SPATA6: variants seen among roughly 807,000 people sequenced by gnomAD.
SPATA6 encodes spermatogenesis associated 6, also known as spermatogenesis-associated protein 6.
A neutral mutation model predicts 65.3 loss-of-function variants in SPATA6; 56 were observed. The observed-to-expected ratio is 0.86, with a 90% CI of 0.69 to 1.07. The LOEUF is 1.07. SPATA6 is among the 50% of genes least tolerant of loss of function. SPATA6 has a pLI of 0.00. For missense variants in SPATA6, 590 were observed against 594.8 expected (o/e 0.99, Z 0.08); for synonymous variants, 199 against 213.2 (o/e 0.93, Z 0.58).
the SPATA6 span, among the ~76,000 whole-genome samples, chr1:48,287,481 G>C: frequency 6.6e-6 from 1 of 152,344 alleles, no homozygotes; most frequent in Admixed American, 6.5e-5. Flanking sequence ...GGCTTGGTGA[G>C]AAGTAATTGG....
chr1:48,413,561 C>T (rs1277728823), intron 3 of SPATA6, among the ~76,000 whole-genome samples: 1 of 151,434 alleles, frequency 6.6e-6, no homozygotes, highest in Non-Finnish European at 1.5e-5. Flanking sequence ...CTCGGCCTTC[C>T]AAAGTGCTGG....
Position 48,297,003 on chromosome 1 carries a change from TCACAATGAG to T in SPATA6, c.*1701_*1709del, listed in dbSNP as rs3049431. On this transcript the variant is annotated 3_prime_UTR_variant, in exon 13 of 13. Transcript: ENST00000371847. Reference sequence around the variant, plus strand: ...CTTAAAGCCTCGAACAAGCTACTGTTCACAATGAGCACAGTGACCATATATCCTAATTTG... The same window carrying T: ...CTTAAAGCCTCGAACAAGCTACTGTTCACAGTGACCATATATCCTAATTTG... 26,621 of 151,866 alleles carry T rather than the reference TCACAATGAG, an allele frequency of 0.18. 2,543 individuals are homozygous for T. The highest frequency in any genetic ancestry group is 0.26 in the Admixed American group (3,957 of 15,192). The allele number at this position is 151,866 out of a possible 1,614,324, so 9.4% of individuals were successfully genotyped here.
chr1:48,281,183 T>A, the SPATA6 span, among the ~76,000 whole-genome samples: 23 of 152,062 alleles, frequency 1.5e-4, no homozygotes, highest in African/African-American at 5.3e-4. Flanking sequence ...GGGATGTATC[T>A]CAAAATAATA....
intron 11 of SPATA6, chr1:48,325,243 A>G: frequency 1.3e-6 from 1 of 779,814 alleles, no homozygotes; most frequent in Non-Finnish European, 2.2e-6. Context: ...CAACAGGGGC[A>G]AGGTTTGGAT....
chr1:48,340,090 T>C (rs1178990845), intron 11 of SPATA6, among the ~76,000 whole-genome samples: 1 of 151,782 alleles, frequency 6.6e-6, no homozygotes, highest in Non-Finnish European at 1.5e-5. Context: ...TGATGGAAGA[T>C]ATCAGATAAT....
intron 11 of SPATA6, among the ~76,000 whole-genome samples, chr1:48,340,072 C>A (rs1167404343): frequency 6.6e-6 from 1 of 151,542 alleles, no homozygotes; most frequent in African/African-American, 2.4e-5. Flanking sequence ...ACACACTTCT[C>A]AACAAAATGA....
intron 12 of SPATA6, among the ~76,000 whole-genome samples, chr1:48,305,497 A>G (rs1175958987): frequency 6.6e-6 from 1 of 152,030 alleles, no homozygotes; most frequent in Admixed American, 6.6e-5. Context: ...TTCATGGTGT[A>G]AAATTATAAG....
chr1:48,422,601 C>T (rs1325902457), intron 3 of SPATA6, among the ~76,000 whole-genome samples: 2 of 152,192 alleles, frequency 1.3e-5, no homozygotes, highest in Non-Finnish European at 2.9e-5. Context: ...ATGCCTGACA[C>T]TGGATTGATA....
chr1:48,321,449 A>C (rs1415697472), intron 11 of SPATA6, among the ~76,000 whole-genome samples: 1 of 152,186 alleles, frequency 6.6e-6, no homozygotes, highest in African/African-American at 2.4e-5. Flanking sequence ...TATAATGATA[A>C]AGCAATCAAT....
At chr1:48,419,235 G>A (rs1227823123) in intron 3 of SPATA6, among the ~76,000 whole-genome samples, 1 of 152,094 alleles carries the variant, frequency 6.6e-6, no homozygotes, top group African/African-American at 2.4e-5. Context: ...AAAAAACAGA[G>A]ACTAAAGGCT....
chr1:48,369,083 A>T (rs1000106072), intron 9 of SPATA6, among the ~76,000 whole-genome samples: 1 of 152,184 alleles, frequency 6.6e-6, no homozygotes, highest in African/African-American at 2.4e-5. Context: ...CCTGGGTATC[A>T]GCAGTGGTGG....
At chr1:48,267,705 G>A in the SPATA6 span, among the ~76,000 whole-genome samples, 2 of 145,082 alleles carry the variant, frequency 1.4e-5, no homozygotes, top group African/African-American at 2.5e-5. Context: ...TCTGCAGTGT[G>A]TTCCTCTCGA....
intron 3 of SPATA6, chr1:48,436,566 C>T: frequency 6.2e-7 from 1 of 1,612,732 alleles, no homozygotes; most frequent in South Asian, 1.1e-5. Flanking sequence ...TAGTGACCCT[C>T]TCTGGCCTGT....
In SPATA6 at chr1:48,319,288, A is replaced by G. The variant is rs146859685; in HGVS notation, c.1195-13410T>C. 1.9e-3 allele frequency among the ~76,000 whole-genome samples: 296 copies of G among 152,332 alleles called. 1 individual carries two copies. Among genetic ancestry groups the G allele is most frequent in the African/African-American group, 6.7e-3 (278 of 41,584 alleles). On this transcript the variant is annotated intron_variant, in intron 11 of 12. Coordinates refer to ENST00000371847, the MANE Select transcript of SPATA6 (RefSeq NM_019073.4). ...TTTCATCAAAATTTTAAAAACTTTT[A>G]TGCTTCAAAACACAGTATTAGGAAG...
intron 8 of SPATA6, 92 bp downstream of exon 8, chr1:48,395,175 A>G: frequency 1.0e-6 from 1 of 952,952 alleles, no homozygotes; most frequent in South Asian, 2.4e-5. Context: ...ATAATGTAAC[A>G]AAGATTCTGT....
chr1:48,366,277 C>A (rs536319874), intron 9 of SPATA6, among the ~76,000 whole-genome samples: 18 of 152,074 alleles, frequency 1.2e-4, no homozygotes, highest in Non-Finnish European at 1.8e-4. Flanking sequence ...TGTCTCTGCC[C>A]GGCTTTGGTA....
downstream of SPATA6, among the ~76,000 whole-genome samples, chr1:48,293,497 GAGGGCC>G (rs1644781732): frequency 6.6e-6 from 1 of 152,116 alleles, no homozygotes; most frequent in Admixed American, 6.5e-5. Context: ...TTGTGGGGTT[GAGGGCC>G]AGGGTCTCCT....
At chr1:48,316,904 T>C (rs1306265177) in intron 11 of SPATA6, among the ~76,000 whole-genome samples, 1 of 152,212 alleles carries the variant, frequency 6.6e-6, no homozygotes, top group Non-Finnish European at 1.5e-5. Flanking sequence ...AAGACATTTA[T>C]GCAGCCAACA....
the SPATA6 span, among the ~76,000 whole-genome samples, chr1:48,288,238 A>G: frequency 1.3e-5 from 2 of 152,196 alleles, no homozygotes; most frequent in South Asian, 4.1e-4. Flanking sequence ...TATGTTAATC[A>G]GAGATATTGG....
Sources: allele counts gnomAD v4.1 joint callset (sites outside exome capture counted in the v4.1 genomes callset), GRCh38; gene constraint gnomAD v4.1.1; transcripts MANE v1.5; gene names NCBI Gene and HGNC (gene_info 2026-07-23, HGNC 2026-07-21).